EXOC1: variants seen among roughly 807,000 people sequenced by gnomAD.
EXOC1 encodes SEC3-like 1.
Under a neutral mutation model 107.7 loss-of-function variants are expected in EXOC1, and 67 were observed. That is an observed-to-expected ratio of 0.62 (90% CI 0.51 to 0.76). The LOEUF (loss-of-function observed/expected upper bound fraction) is 0.76. EXOC1 is among the 30% of genes least tolerant of loss of function. The pLI is 0.00. For missense variants in EXOC1, 833 were observed against 1,055.7 expected (o/e 0.79, Z 2.92); for synonymous variants, 348 against 353.5 (o/e 0.98, Z 0.17).
rs770147187 is a variant in EXOC1, at chr4:55,893,653, C to G, written c.1826C>G (p.Ser609Cys). 3 of 1,614,082 alleles carry G rather than the reference C, an allele frequency of 1.9e-6. No homozygotes were observed. Among genetic ancestry groups the G allele is most frequent in the Non-Finnish European group, 2.5e-6 (3 of 1,179,998 alleles). Reference sequence around the variant, plus strand: ...GGAGACAAAATTGATAGCTTTAACTCTCTTTATATGTTAGTCAAAATGAGT... The same window carrying G: ...GGAGACAAAATTGATAGCTTTAACTGTCTTTATATGTTAGTCAAAATGAGT... Reference protein sequence around the residue: ...ALGDKIDSFNSLYMLVKMSHH... With the variant: ...ALGDKIDSFNCLYMLVKMSHH... Residue 609 changes from serine (S) to cysteine (C), a missense_variant, in exon 15 of 19, where the codon TCT becomes TGT. Ser to Cys is a moderately radical substitution (Grantham distance 112). Coordinates refer to ENST00000381295, the MANE Select transcript of EXOC1 (RefSeq NM_001024924.2).
chr4:55,856,364 G>C (rs1207136968), intron 1 of EXOC1, among the ~76,000 whole-genome samples: 3 of 152,198 alleles, frequency 2.0e-5, no homozygotes, highest in Non-Finnish European at 4.4e-5. Flanking sequence ...AGTAAACTTG[G>C]AGAGGCCAGA....
At chr4:55,868,587 C>G in intron 5 of EXOC1, 64 bp downstream of exon 5, 1 of 1,438,642 alleles carries the variant, frequency 7.0e-7, no homozygotes, top group Non-Finnish European at 9.6e-7. Context: ...TAATGATGTT[C>G]ATATTATACT....
intron 3 of EXOC1, among the ~76,000 whole-genome samples, chr4:55,863,898 G>A (rs1269537362): frequency 1.3e-5 from 2 of 152,092 alleles, no homozygotes; most frequent in Non-Finnish European, 2.9e-5. Flanking sequence ...GAAAAATTAG[G>A]TCCATGTCAA....
intron 1 of EXOC1, among the ~76,000 whole-genome samples, chr4:55,857,461 C>T (rs914252914): frequency 2.0e-5 from 3 of 152,100 alleles, no homozygotes; most frequent in Non-Finnish European, 4.4e-5. Context: ...AGCCACCGCC[C>T]GTGCCCGGCC....
In EXOC1 at chr4:55,903,146, T is replaced by C. The variant is rs77336116; in HGVS notation, c.2532+608T>C. On this transcript the variant is annotated intron_variant, in intron 18 of 18. Coordinates refer to ENST00000381295, the MANE Select transcript of EXOC1 (RefSeq NM_001024924.2). Reference sequence around the variant, plus strand: ...GCAACAGAGTGAGGCCGTGTCTCAATTAAAAAAAAAAAAAAAAAGAAAGAA... The same window carrying C: ...GCAACAGAGTGAGGCCGTGTCTCAACTAAAAAAAAAAAAAAAAAGAAAGAA... Among the ~76,000 whole-genome samples the C allele has an allele frequency of 4.5e-5, 4 of 88,988 alleles. No homozygotes were observed. The East Asian group carries it at 8.2e-4, about 18-fold the overall frequency. The allele number at this position is 88,988 out of a possible 152,430, so 58.4% of individuals were successfully genotyped here.
At position 55,864,383 on chromosome 4, in the gene EXOC1, G is replaced by T. The variant is rs139662396; in HGVS notation, c.412G>T (p.Glu138Ter). The T allele has an allele frequency of 6.2e-7, 1 of 1,602,376 alleles. No individual in the cohort carries two copies. Residue 138 changes from glutamate (E) to a stop codon, truncating the protein, a stop_gained, in exon 4 of 19, where the codon GAA becomes TAA. Transcript: ENST00000381295. LOFTEE classifies it high-confidence loss of function. The stretch of plus-strand genomic sequence containing the variant: ...TGTCAATGTTAGCTCACAGCTTTTG[G>T]AAGGTAAAGTTAAATAAAAATGTAT... ...DFVNVSSQLLEESVPSGENQS... is the reference protein window; with the variant it reads ...DFVNVSSQLL
chr4:55,875,724 T>A, intron 8 of EXOC1: 1 of 985,374 alleles, frequency 1.0e-6, no homozygotes, highest in Non-Finnish European at 1.2e-6. Flanking sequence ...TTGTATGATA[T>A]AAGTCTGTCA....
intron 13 of EXOC1, among the ~76,000 whole-genome samples, chr4:55,891,812 C>T (rs1724581076): frequency 6.6e-6 from 1 of 152,072 alleles, no homozygotes; most frequent in African/African-American, 2.4e-5. Context: ...TACCAAATAA[C>T]AATAATGATA....
intron 16 of EXOC1, among the ~76,000 whole-genome samples, chr4:55,898,099 A>T (rs936597142): frequency 6.6e-6 from 1 of 152,076 alleles, no homozygotes; most frequent in Non-Finnish European, 1.5e-5. Context: ...TACAAAAAAA[A>T]TTTAAAAAAT....
In EXOC1 at chr4:55,883,845, G is replaced by A. The variant is rs1375573572; in HGVS notation, c.1247G>A (p.Arg416Gln). 4 of 1,597,522 alleles carry A rather than the reference G, an allele frequency of 2.5e-6. No individual in the cohort carries two copies. Among genetic ancestry groups the A allele is most frequent in the Middle Eastern group, 1.7e-4 (1 of 5,998 alleles). Residue 416 changes from arginine (R) to glutamine (Q), a missense_variant, in exon 10 of 19, where the codon CGA (arginine) becomes CAA (glutamine). Arg to Gln is a conservative substitution (Grantham distance 43). Transcript: ENST00000381295. ...LTKNYMDYLS[R>Q]LYEREIKDFF... ...AAGAATTACATGGATTATTTATCCC[G>A]ACTATATGAAAGAGAAATCAAAGAT... is the stretch of plus-strand genomic sequence containing the variant.
At chr4:55,876,591 A>C (rs1722913350) in intron 8 of EXOC1, 2 of 984,924 alleles carry the variant, frequency 2.0e-6, no homozygotes, top group South Asian at 9.4e-5. Context: ...TGGACCTATT[A>C]ATATACCTTG....
At chr4:55,896,434 G>A (rs997532600) in intron 15 of EXOC1, among the ~76,000 whole-genome samples, 16 of 152,280 alleles carry the variant, frequency 1.1e-4, no homozygotes, top group African/African-American at 3.4e-4. Context: ...ATGAGCCACC[G>A]TCCCCAGCTT....
rs1189109440 is a variant in EXOC1 at position 55,888,948 on chromosome 4, G to A, written c.1375+16G>A. On this transcript the variant is annotated intron_variant, in intron 11 of 18. Coordinates refer to ENST00000381295, the MANE Select transcript of EXOC1 (RefSeq NM_001024924.2). Reference sequence around the variant, plus strand: ...GAAACAGAGAGTGAGTATGCTTAGTGTATTAGTAGGTATTCTCAATGCATG... The same window carrying A: ...GAAACAGAGAGTGAGTATGCTTAGTATATTAGTAGGTATTCTCAATGCATG... The A allele has an allele frequency of 6.2e-7, 1 of 1,610,886 alleles. No individual in the cohort carries two copies. The highest frequency in any genetic ancestry group is 2.2e-5 in the East Asian group (1 of 44,782).
chr4:55,870,909 A>G lies in EXOC1; in HGVS notation c.831+4A>G, dbSNP rs763662120. ...ATCTGAGATAGAGTTCCTTGTGGTA[A>G]GTATGATCATAAATTACCAACAAAA... is the stretch of plus-strand genomic sequence containing the variant. On this transcript the variant is annotated splice_donor_region_variant and intron_variant, in intron 6 of 18. Transcript: ENST00000381295. The G allele has an allele frequency of 6.2e-7, 1 of 1,604,394 alleles. No individual in the cohort carries two copies. Among genetic ancestry groups the G allele is most frequent in the Non-Finnish European group, 8.5e-7 (1 of 1,175,576 alleles).
Position 55,864,331 on chromosome 4 carries a change from G to T in EXOC1, c.360G>T (p.Gln120His). Residue 120 changes from glutamine to histidine, a missense_variant, in exon 4 of 19, where the codon CAG becomes CAT. By Grantham distance (24) the Gln-to-His change is conservative. Around this residue, in one of 2 missense-constraint regions of EXOC1, gnomAD observed 617 missense variants for 701.3 expected, o/e 0.88. Transcript: ENST00000381295. The stretch of plus-strand genomic sequence containing the variant: ...TTTCATGCATTTGGAAATTGAATCA[G>T]CGATATCTCCGGAAGAAAATTGATT... ...AFISCIWKLN[Q>H]RYLRKKIDFV... 3.1e-6 allele frequency: 5 copies of T among 1,611,110 alleles called. No individual in the cohort carries two copies. The highest frequency in any genetic ancestry group is 4.2e-6 in the Non-Finnish European group (5 of 1,178,858).
rs753183532 is a variant in EXOC1, at chr4:55,870,721, T to C, written c.647T>C (p.Ile216Thr). 87 of 1,613,752 alleles carry C rather than the reference T, an allele frequency of 5.4e-5. No individual in the cohort carries two copies. The highest frequency in any genetic ancestry group is 6.5e-5 in the Non-Finnish European group (77 of 1,179,892). The change falls in exon 6 of 19, where the codon ATC becomes ACC. Residue 216 changes from isoleucine to threonine, a missense_variant. By Grantham distance (89) the Ile-to-Thr change is moderately conservative. Transcript: ENST00000381295. ...ATGGCATCTGAAAAACAAGTCAACATCCTGATGAAATTGCTAGATGAGGCT... is the reference window on the plus strand; with the variant it reads ...ATGGCATCTGAAAAACAAGTCAACACCCTGATGAAATTGCTAGATGAGGCT... The part of the protein sequence containing the change: ...SIMASEKQVN[I>T]LMKLLDEALK...
chr4:55,871,359 A>T lies in EXOC1; in HGVS notation c.964+126A>T, dbSNP rs185468561. On this transcript the variant is annotated intron_variant, in intron 7 of 18. Coordinates refer to ENST00000381295, the MANE Select transcript of EXOC1 (RefSeq NM_001024924.2). ...TAAGGGTTACATTATTAGCTATTCA[A>T]GTTTCACTGATTTCCCAACTTATTT... The T allele has an allele frequency of 4.2e-6, 5 of 1,202,018 alleles. No individual in the cohort carries two copies. In the East Asian group the frequency reaches 1.3e-4, roughly 31 times the overall value. The allele number at this position is 1,202,018 out of a possible 1,614,324, so 74.5% of individuals were successfully genotyped here.
chr4:55,874,510 C>A (rs934405480), intron 8 of EXOC1, among the ~76,000 whole-genome samples: 1 of 152,070 alleles, frequency 6.6e-6, no homozygotes, highest in African/African-American at 2.4e-5. Flanking sequence ...TTTCATTGTA[C>A]TTTTTCTTAT....
intron 10 of EXOC1, 155 bp from the exon 11 acceptor site, chr4:55,888,733 A>G (rs1388667765): frequency 7.5e-6 from 5 of 670,488 alleles, no homozygotes; most frequent in East Asian, 2.8e-5. Context: ...GTGACCAACT[A>G]AACATGTGTT....
Sources: gnomAD v4.1 joint callset for allele counts (sites outside exome capture counted in the v4.1 genomes callset) on GRCh38, gnomAD v4.1.1 for gene constraint, gnomAD v4.1.1 regional missense constraint, MANE v1.5 for transcripts, NCBI Gene and HGNC (gene_info 2026-07-23, HGNC 2026-07-21) for gene names.